The following DUSP13B variants were observed in gnomAD, a reference collection of about 807,000 sequenced individuals.
DUSP13B encodes the protein dual specificity protein phosphatase 13B.
the DUSP13B span, chr10:75,094,692 T>C: frequency 6.2e-7 from 1 of 1,613,900 alleles, no homozygotes; most frequent in Non-Finnish European, 8.5e-7. Flanking sequence ...CCGCCCCGTC[T>C]CCCGCCCCAG....
the DUSP13B span, chr10:75,094,570 C>G: frequency 7.7e-7 from 1 of 1,302,152 alleles, no homozygotes. Flanking sequence ...TCAGCCCCCA[C>G]TTGCTGTTTA....
At chr10:75,101,078 G>C in the DUSP13B span, among the ~76,000 whole-genome samples, 1 of 152,382 alleles carries the variant, frequency 6.6e-6, no homozygotes, top group East Asian at 1.9e-4. Context: ...GGCAGGACCA[G>C]TGAGGAGTGT....
At chr10:75,094,883 A>G in the DUSP13B span, 9 of 1,613,476 alleles carry the variant, frequency 5.6e-6, no homozygotes, top group Non-Finnish European at 7.6e-6. Flanking sequence ...CGCGGCCTGT[A>G]GGGAGAACCA....
the DUSP13B span, chr10:75,108,889 C>G: frequency 1.7e-4 from 225 of 1,339,440 alleles, no homozygotes; most frequent in Non-Finnish European, 2.2e-4. Context: ...AGGTCCCTGG[C>G]CTGGGATGGT....
the DUSP13B span, among the ~76,000 whole-genome samples, chr10:75,108,735 G>C: frequency 3.3e-4 from 51 of 152,270 alleles, no homozygotes; most frequent in African/African-American, 1.2e-3. Context: ...CTGGGCCTCT[G>C]CCTCTACACT....
chr10:75,108,867 G>A, the DUSP13B span: 3 of 1,115,490 alleles, frequency 2.7e-6, no homozygotes, highest in Non-Finnish European at 3.6e-6. Context: ...GCACCCCCGG[G>A]GGTCCTGGAG....
chr10:75,096,507 G>A, the DUSP13B span, among the ~76,000 whole-genome samples: 1 of 151,096 alleles, frequency 6.6e-6, no homozygotes, highest in Non-Finnish European at 1.5e-5. Context: ...AGCCTGGGAG[G>A]TTGAGGCTGC....
At chr10:75,103,182 G>A in the DUSP13B span, among the ~76,000 whole-genome samples, 1 of 152,200 alleles carries the variant, frequency 6.6e-6, no homozygotes, top group African/African-American at 2.4e-5. Flanking sequence ...ATGTTCTGTG[G>A]AGGAGGACAG....
chr10:75,099,298 A>G, the DUSP13B span: 1 of 1,232,298 alleles, frequency 8.1e-7, no homozygotes, highest in Non-Finnish European at 1.0e-6. Flanking sequence ...AGAAACAGGC[A>G]CCCAGGAGGC....
chr10:75,102,032 C>A, the DUSP13B span: 1 of 1,186,950 alleles, frequency 8.4e-7, no homozygotes. Flanking sequence ...CCTGCCACTC[C>A]CAACTTGTCC....
the DUSP13B span, among the ~76,000 whole-genome samples, chr10:75,104,915 C>T: frequency 6.6e-6 from 1 of 152,088 alleles, no homozygotes; most frequent in African/African-American, 2.4e-5. Flanking sequence ...AGAGTCAGGC[C>T]CTGCCCTGGG....
At chr10:75,101,802 C>G in the DUSP13B span, 1 of 834,052 alleles carries the variant, frequency 1.2e-6, no homozygotes, top group Non-Finnish European at 1.8e-6. Flanking sequence ...AGTGTCCTGG[C>G]CCTCATTACC....
chr10:75,103,899 G>A, the DUSP13B span: 1 of 1,309,248 alleles, frequency 7.6e-7, no homozygotes, highest in Non-Finnish European at 1.0e-6. Context: ...CCCACCTGTG[G>A]AGACTGAAGA....
At chr10:75,099,573 G>T in the DUSP13B span, 264 of 1,231,208 alleles carry the variant, frequency 2.1e-4, no homozygotes, top group Non-Finnish European at 2.4e-4. Flanking sequence ...GGCGCCCATG[G>T]GGGGTGGGGC....
chr10:75,107,545 G>A, the DUSP13B span, among the ~76,000 whole-genome samples: 4 of 152,086 alleles, frequency 2.6e-5, no homozygotes, highest in Non-Finnish European at 2.9e-5. Flanking sequence ...AAGGAATCGG[G>A]TTCGACAAAA....
the DUSP13B span, among the ~76,000 whole-genome samples, chr10:75,106,101 C>CTTTTTTTTTTTTTTTTTTTTTT: frequency 8.1e-6 from 1 of 123,024 alleles, no homozygotes; most frequent in Non-Finnish European, 1.7e-5. Flanking sequence ...TCTTTCTTTT[C>CTTTTTTTTTTTTTTTTTTTTTT]TTTTTTTTTT....
chr10:75,099,566 G>A, the DUSP13B span: 25 of 1,228,572 alleles, frequency 2.0e-5, no homozygotes, highest in Admixed American at 4.3e-5. Flanking sequence ...TGGCTGGGGC[G>A]CCCATGGGGG....
the DUSP13B span, among the ~76,000 whole-genome samples, chr10:75,106,800 G>C: frequency 1.3e-5 from 2 of 152,228 alleles, no homozygotes; most frequent in African/African-American, 4.8e-5. Flanking sequence ...GTGAATGAAT[G>C]GATAAATAGC....
chr10:75,106,096 C>CTTTTTTTTTTTT, the DUSP13B span, among the ~76,000 whole-genome samples: 1 of 109,026 alleles, frequency 9.2e-6, no homozygotes, highest in African/African-American at 3.9e-5. Context: ...TCTTTTCTTT[C>CTTTTTTTTTTTT]TTTTCTTTTT....
Sources: allele counts gnomAD v4.1 joint callset (sites outside exome capture counted in the v4.1 genomes callset), GRCh38; gene constraint gnomAD v4.1.1; transcripts MANE v1.5; gene names NCBI Gene and HGNC (gene_info 2026-07-23, HGNC 2026-07-21).